The following CENPP variants were observed in gnomAD, a reference collection of about 807,000 sequenced individuals.
The protein encoded by CENPP is centromere protein P.
Under a neutral mutation model 35.6 loss-of-function variants are expected in CENPP, and 24 were observed. The ratio of observed to expected loss-of-function variants is 0.67; its 90% CI spans 0.49 to 0.95. The LOEUF is 0.95. Ranked by LOEUF, CENPP falls within the 40% of genes least tolerant of loss-of-function variation. CENPP has a pLI of 0.00. For synonymous variants in CENPP, 120 were observed against 125.5 expected (o/e 0.96, Z 0.29); for missense variants, 332 against 345.3 (o/e 0.96, Z 0.31).
rs528133994 is a variant in CENPP at position 92,615,471 on chromosome 9, G to A, written c.*2322G>A. On this transcript the variant is annotated 3_prime_UTR_variant, in exon 8 of 8. Coordinates refer to ENST00000375587, the MANE Select transcript of CENPP (RefSeq NM_001012267.3). ...ACAATTCAAGTTTTCTATGTTAGGA[G>A]TCTGGTGGTAGCAGATCCAAACCTT... 5.0e-6 allele frequency: 1 copy of A among 201,942 alleles called. No individual in the cohort carries two copies. Among genetic ancestry groups the A allele is most frequent in the African/African-American group, 2.4e-5 (1 of 42,504 alleles). The allele number at this position is 201,942 out of a possible 1,614,324, so 12.5% of individuals were successfully genotyped here. A position where few individuals can be genotyped will look rare whatever the true frequency, so the allele number is the denominator to read the frequency against.
At chr9:92,522,758 T>C in intron 5 of CENPP, 6 of 1,614,180 alleles carry the variant, frequency 3.7e-6, no homozygotes, top group Non-Finnish European at 5.1e-6. Flanking sequence ...TTCCTCAACC[T>C]TCTGTGGTAG....
At chr9:92,441,939 T>C (rs1172570685) in intron 5 of CENPP, among the ~76,000 whole-genome samples, 9 of 152,182 alleles carry the variant, frequency 5.9e-5, no homozygotes, top group Non-Finnish European at 1.3e-4. Context: ...TTTGGTATGG[T>C]AATTGTATTG....
intron 5 of CENPP, chr9:92,466,214 T>C (rs756238094): frequency 4.8e-6 from 3 of 621,272 alleles, no homozygotes; most frequent in African/African-American, 1.8e-5. Context: ...TGTTGGACAT[T>C]TTAATTGGTT....
At chr9:92,471,411 G>A (rs1845509959) in intron 5 of CENPP, among the ~76,000 whole-genome samples, 1 of 151,690 alleles carries the variant, frequency 6.6e-6, no homozygotes, top group South Asian at 2.1e-4. Context: ...TGGTCAGGCT[G>A]GTCTCAGACT....
At chr9:92,381,724 C>T (rs1842250935) in intron 5 of CENPP, among the ~76,000 whole-genome samples, 1 of 152,140 alleles carries the variant, frequency 6.6e-6, no homozygotes, top group South Asian at 2.1e-4. Context: ...TCTTTCAATT[C>T]TTTTAAGTGT....
intron 3 of CENPP, among the ~76,000 whole-genome samples, chr9:92,338,532 A>G (rs1159315714): frequency 6.6e-6 from 1 of 152,182 alleles, no homozygotes; most frequent in African/African-American, 2.4e-5. Context: ...AATAGTTACT[A>G]TAGTATATTG....
chr9:92,346,091 G>C (rs1017334681), intron 4 of CENPP, among the ~76,000 whole-genome samples: 1 of 152,192 alleles, frequency 6.6e-6, no homozygotes, highest in Non-Finnish European at 1.5e-5. Flanking sequence ...TCAAATAATG[G>C]CAGAAGTAAA....
chr9:92,496,997 G>A (rs555270165), intron 5 of CENPP, among the ~76,000 whole-genome samples: 7 of 150,906 alleles, frequency 4.6e-5, no homozygotes, highest in African/African-American at 1.5e-4. Context: ...AGCCTGGACC[G>A]ATCAAATACC....
At chr9:92,497,793 C>T (rs1017757694) in intron 5 of CENPP, among the ~76,000 whole-genome samples, 2 of 150,100 alleles carry the variant, frequency 1.3e-5, no homozygotes, top group African/African-American at 4.9e-5. Context: ...GCAAGTCACT[C>T]ATGAATAGAT....
intron 5 of CENPP, chr9:92,465,035 A>G (rs559186217): frequency 6.3e-7 from 1 of 1,584,878 alleles, no homozygotes; most frequent in East Asian, 2.2e-5. Context: ...CATTTCTGTC[A>G]GGGGAGAATG....
chr9:92,555,214 A>ATTTTTTT (rs34701393), intron 5 of CENPP, among the ~76,000 whole-genome samples: 2 of 63,464 alleles, frequency 3.2e-5, no homozygotes, highest in Admixed American at 2.3e-4. Context: ...TTTTTTGGAA[A>ATTTTTTT]TTTTTTTTTT....
At chr9:92,457,315 G>A (rs4744132) in intron 5 of CENPP, 1,588,766 of 1,613,976 alleles carry the variant, frequency 0.98, 782,094 homozygotes, top group East Asian at 1. Context: ...CAAGCTGAAC[G>A]CTCATTCTGC....
At chr9:92,325,622 G>C, upstream of CENPP, 1 of 213,392 alleles carries the variant, frequency 4.7e-6, no homozygotes, top group South Asian at 7.2e-5. Context: ...AAAATAAAGA[G>C]GCGCTCCCCT....
intron 5 of CENPP, chr9:92,495,616 T>C (rs1225769331): frequency 2.1e-6 from 2 of 957,372 alleles, no homozygotes; most frequent in East Asian, 1.1e-4. Flanking sequence ...CTTTAAAAAA[T>C]AATTTTAGAA....
At chr9:92,442,635 G>A (rs866773243) in intron 5 of CENPP, among the ~76,000 whole-genome samples, 2 of 151,768 alleles carry the variant, frequency 1.3e-5, no homozygotes, top group African/African-American at 4.8e-5. Flanking sequence ...GGATCACGAG[G>A]TCAGATCAAG....
In CENPP at chr9:92,513,332, A is replaced by C. The variant is rs937399659; in HGVS notation, c.565-97982A>C. Among the ~76,000 whole-genome samples, 14 of 152,220 alleles carry C rather than the reference A, an allele frequency of 9.2e-5. 1 individual carries two copies. The highest frequency in any genetic ancestry group is 8.5e-4 in the Admixed American group (13 of 15,286). ...TACCAAGTGCGGGCAGGCTGCAGAGAGGCAGGAGCTCCCCAGCATGCAGGT... is the reference window on the plus strand; with the variant it reads ...TACCAAGTGCGGGCAGGCTGCAGAGCGGCAGGAGCTCCCCAGCATGCAGGT... On this transcript the variant is annotated intron_variant, in intron 5 of 7. Coordinates refer to ENST00000375587, the MANE Select transcript of CENPP (RefSeq NM_001012267.3).
At chr9:92,599,533 C>T (rs1850858495) in intron 5 of CENPP, among the ~76,000 whole-genome samples, 1 of 152,178 alleles carries the variant, frequency 6.6e-6, no homozygotes, top group South Asian at 2.1e-4. Context: ...TCTCCTACCT[C>T]AACCTCCTGA....
chr9:92,517,639 T>G, intron 5 of CENPP: 1 of 1,606,148 alleles, frequency 6.2e-7, no homozygotes, highest in East Asian at 2.2e-5. Context: ...CAAATGGAAG[T>G]TAAAGATTAA....
At chr9:92,351,771 C>T (rs7029879) in intron 4 of CENPP, among the ~76,000 whole-genome samples, 17,348 of 151,750 alleles carry the variant, frequency 0.11, 1,053 homozygotes, top group Middle Eastern at 0.15. Context: ...ATTACAGGCA[C>T]CCGCTACCAT....
Sources: gnomAD v4.1 joint callset for allele counts (sites outside exome capture counted in the v4.1 genomes callset) on GRCh38, gnomAD v4.1.1 for gene constraint, MANE v1.5 for transcripts, NCBI Gene and HGNC (gene_info 2026-07-23, HGNC 2026-07-21) for gene names.